SRGAP2C: variants seen among roughly 807,000 people sequenced by gnomAD.
The protein encoded by SRGAP2C is SLIT-ROBO Rho GTPase-activating protein 2C.
A neutral mutation model predicts 25.1 loss-of-function variants in SRGAP2C; 15 were observed. The observed-to-expected ratio is 0.60, with a 90% confidence interval of 0.40 to 0.92. SRGAP2C has a LOEUF of 0.92. Ranked by LOEUF, SRGAP2C falls within the 40% of genes least tolerant of loss-of-function variation. The probability of loss-of-function intolerance (pLI) is 0.00; values close to 1 mark genes in which losing one functional copy is unlikely to be tolerated. For missense variants in SRGAP2C, 144 were observed against 264.4 expected, an observed-to-expected ratio of 0.54 and a Z score of 3.16; for synonymous variants, 44 against 96.6, an observed-to-expected ratio of 0.46 and a Z score of 3.19.
chr1:121,263,355 C>T (rs1297711657), intron 2 of SRGAP2C, among the ~76,000 whole-genome samples: 4 of 138,676 alleles, frequency 2.9e-5, no homozygotes, highest in Admixed American at 2.3e-4. Context: ...AACTTGAACC[C>T]GGGAGGCGGT....
At chr1:121,239,676 A>G (rs782295499) in intron 2 of SRGAP2C, among the ~76,000 whole-genome samples, 2,709 of 149,508 alleles carry the variant, frequency 0.018, 25 homozygotes, top group Non-Finnish European at 0.024. Context: ...AGTAAGAAGC[A>G]CTGTGATTAA....
intron 2 of SRGAP2C, among the ~76,000 whole-genome samples, chr1:121,236,516 T>G (rs1411676249): frequency 3.3e-5 from 5 of 152,010 alleles, no homozygotes; most frequent in Admixed American, 2.6e-4. Context: ...CCACCTGGGC[T>G]CAGGTTAACT....
At chr1:121,384,921 G>T (rs1398047463) in intron 8 of SRGAP2C, among the ~76,000 whole-genome samples, 6 of 152,166 alleles carry the variant, frequency 3.9e-5, no homozygotes, top group Non-Finnish European at 5.9e-5. Flanking sequence ...TTCTGCCAGG[G>T]CCCTCCCTTT....
chr1:121,367,972 A>G (rs1388086451), intron 5 of SRGAP2C, among the ~76,000 whole-genome samples: 8 of 106,666 alleles, frequency 7.5e-5, no homozygotes, highest in African/African-American at 2.8e-4. Flanking sequence ...GCTACTGGGG[A>G]GGCTGAGGCA....
At chr1:121,308,420 G>A (rs1553339704) in intron 3 of SRGAP2C, among the ~76,000 whole-genome samples, 4 of 151,400 alleles carry the variant, frequency 2.6e-5, no homozygotes, top group Non-Finnish European at 4.4e-5. Context: ...GCTACATTAG[G>A]CACAGAAGAT....
chr1:121,314,146 A>T, intron 3 of SRGAP2C, among the ~76,000 whole-genome samples: 2 of 89,466 alleles, frequency 2.2e-5, no homozygotes, highest in African/African-American at 4.5e-5. Flanking sequence ...TTTTTCTCTA[A>T]CCTTCTCTTC....
chr1:121,375,759 C>T (rs1255169818), intron 7 of SRGAP2C, among the ~76,000 whole-genome samples: 1 of 151,880 alleles, frequency 6.6e-6, no homozygotes, highest in African/African-American at 2.4e-5. Flanking sequence ...GGTGTTAACT[C>T]ATTTAACTCT....
chr1:121,212,210 A>C (rs1213194545), intron 2 of SRGAP2C, among the ~76,000 whole-genome samples: 1 of 105,806 alleles, frequency 9.5e-6, no homozygotes, highest in Non-Finnish European at 1.8e-5. Context: ...GGCTCACTGC[A>C]ACCTCCACCT....
In SRGAP2C at chr1:121,391,440, A is replaced by G. The variant is rs1342111613; in HGVS notation, c.*3585A>G. 1.4e-4 allele frequency: 21 copies of G among 152,154 alleles called. No individual in the cohort carries two copies. Among genetic ancestry groups the G allele is most frequent in the Admixed American group, 1.4e-3 (21 of 15,282 alleles). 9.4% of individuals were successfully genotyped at this position (152,154 alleles called of 1,614,324 possible). A position where few individuals can be genotyped will look rare whatever the true frequency, so the allele number is the denominator to read the frequency against. ...TGCCGGCTTTAAAGAACCCAGCACAAAGCCAGTCTGCATGGCCTACAGACA... is the reference window on the plus strand; with the variant it reads ...TGCCGGCTTTAAAGAACCCAGCACAGAGCCAGTCTGCATGGCCTACAGACA... On this transcript the variant is annotated 3_prime_UTR_variant, in exon 10 of 10. Coordinates refer to ENST00000367123, the MANE Select transcript of SRGAP2C (RefSeq NM_001329984.2).
At chr1:121,219,091 C>A (rs1329657990) in intron 2 of SRGAP2C, among the ~76,000 whole-genome samples, 1 of 151,986 alleles carries the variant, frequency 6.6e-6, no homozygotes. Flanking sequence ...TTTTTATACT[C>A]ATATTTCACT....
At chr1:121,211,080 G>C (rs1553323546) in intron 2 of SRGAP2C, among the ~76,000 whole-genome samples, 1 of 146,882 alleles carries the variant, frequency 6.8e-6, no homozygotes, top group East Asian at 2.1e-4. Context: ...GAAGGAAGGG[G>C]CTGCAGGATA....
At chr1:121,212,358 T>C (rs1477510363) in intron 2 of SRGAP2C, among the ~76,000 whole-genome samples, 1 of 151,890 alleles carries the variant, frequency 6.6e-6, no homozygotes, top group Non-Finnish European at 1.5e-5. Context: ...TCTCAAACAC[T>C]TGACCTCGTG....
At chr1:121,370,670 T>C (rs1659462143) in intron 5 of SRGAP2C, among the ~76,000 whole-genome samples, 1 of 152,174 alleles carries the variant, frequency 6.6e-6, no homozygotes, top group South Asian at 2.1e-4. Flanking sequence ...GGTCTCAATC[T>C]CCTGACCTCG....
chr1:121,239,205 T>TGCAAC (rs1656042431), intron 2 of SRGAP2C, among the ~76,000 whole-genome samples: 1 of 4,380 alleles, frequency 2.3e-4, no homozygotes. Context: ...TATATATATA[T>TGCAAC]ATATATATAT....
intron 2 of SRGAP2C, among the ~76,000 whole-genome samples, chr1:121,224,861 C>T (rs1316781394): frequency 1.3e-5 from 2 of 150,650 alleles, no homozygotes; most frequent in Admixed American, 1.3e-4. Flanking sequence ...AGGATGTGTA[C>T]ACAGCAGCAT....
At chr1:121,315,224 G>A (rs1354045971) in intron 3 of SRGAP2C, among the ~76,000 whole-genome samples, 9 of 151,240 alleles carry the variant, frequency 6.0e-5, no homozygotes, top group Non-Finnish European at 1.2e-4. Context: ...GTGCACTATG[G>A]CCTGAAGCTC....
chr1:121,385,482 G>A lies in SRGAP2C; in HGVS notation c.1057-1024G>A, dbSNP rs1247564346. ...GTTGGCTCAGGCCAGCCTCTCAGCT[G>A]GGGGAAGAGGTCAAGTCAGTTGGGA... On this transcript the variant is annotated intron_variant, in intron 8 of 9. Transcript: ENST00000367123. 3.3e-5 allele frequency among the ~76,000 whole-genome samples: 4 copies of A among 120,764 alleles called. No individual in the cohort carries two copies. The Admixed American group carries it at 3.5e-4, about 11-fold the overall frequency. 79.2% of individuals were successfully genotyped at this position (120,764 alleles called of 152,430 possible). A position where few individuals can be genotyped will look rare whatever the true frequency, so the allele number is the denominator to read the frequency against.
At chr1:121,343,339 A>G (rs1425985773) in intron 4 of SRGAP2C, among the ~76,000 whole-genome samples, 2 of 152,172 alleles carry the variant, frequency 1.3e-5, no homozygotes, top group Non-Finnish European at 2.9e-5. Context: ...AGAGTGGGAA[A>G]TAGTGGGAAT....
chr1:121,224,765 T>A (rs1303604952), intron 2 of SRGAP2C, among the ~76,000 whole-genome samples: 1 of 151,936 alleles, frequency 6.6e-6, no homozygotes, highest in African/African-American at 2.4e-5. Flanking sequence ...CACTACTCTG[T>A]GCCCGTTTAT....
Sources: gnomAD v4.1 joint callset for allele counts (sites outside exome capture counted in the v4.1 genomes callset) on GRCh38, gnomAD v4.1.1 for gene constraint, MANE v1.5 for transcripts, NCBI Gene and HGNC (gene_info 2026-07-23, HGNC 2026-07-21) for gene names.